Variants in MYO5B observed in about 807,000 individuals in gnomAD.
MYO5B encodes unconventional myosin-Vb.
A neutral mutation model predicts 229.3 loss-of-function variants in MYO5B; 143 were observed. The observed-to-expected ratio is 0.62, with a 90% CI of 0.54 to 0.72. The LOEUF (loss-of-function observed/expected upper bound fraction) is 0.72. Among genes scored for constraint, MYO5B ranks in the 30% least tolerant of loss-of-function variants. MYO5B has a pLI of 0.00. For missense variants in MYO5B, 2,321 were observed against 2,331.0 expected (o/e 1.00, Z 0.09); for synonymous variants, 918 against 885.2 (o/e 1.04, Z -0.66).
At chr18:49,918,620 C>T (rs1162419130) in intron 17 of MYO5B, among the ~76,000 whole-genome samples, 1 of 152,160 alleles carries the variant, frequency 6.6e-6, no homozygotes, top group Non-Finnish European at 1.5e-5. Flanking sequence ...CTTACAGGAA[C>T]CTATGAGCCT....
chr18:49,974,819 A>ACACACACACACACACACACACACACACG (rs1340944787), intron 9 of MYO5B, among the ~76,000 whole-genome samples: 46 of 151,678 alleles, frequency 3.0e-4, no homozygotes, highest in Non-Finnish European at 5.2e-4. Context: ...ACACACACAC[A>ACACACACACACACACACACACACACACG]CACACACACT....
intron 2 of MYO5B, among the ~76,000 whole-genome samples, chr18:50,042,085 GACAA>G (rs1165257955): frequency 6.6e-6 from 1 of 152,218 alleles, no homozygotes; most frequent in Non-Finnish European, 1.5e-5. Context: ...GAAGAGGGCA[GACAA>G]ACAGTTACAC....
At chr18:49,908,010 G>A (rs1055748549) in intron 18 of MYO5B, among the ~76,000 whole-genome samples, 4 of 152,214 alleles carry the variant, frequency 2.6e-5, no homozygotes, top group Non-Finnish European at 4.4e-5. Flanking sequence ...CAGCCAGGAG[G>A]GGTTAGGAAG....
chr18:49,946,999 AC>A (rs1292125009), intron 14 of MYO5B, among the ~76,000 whole-genome samples: 1 of 151,570 alleles, frequency 6.6e-6, no homozygotes, highest in African/African-American at 2.4e-5. Flanking sequence ...TTCCATCCAC[AC>A]CCATCCCTTA....
chr18:50,189,534 A>G (rs1208953557), intron 1 of MYO5B, among the ~76,000 whole-genome samples: 1 of 152,214 alleles, frequency 6.6e-6, no homozygotes, highest in African/African-American at 2.4e-5. Flanking sequence ...AAACAGCTTC[A>G]GGAGCTTTGA....
intron 27 of MYO5B, among the ~76,000 whole-genome samples, chr18:49,871,126 A>G (rs1181033661): frequency 6.6e-6 from 1 of 152,250 alleles, no homozygotes; most frequent in East Asian, 1.9e-4. Flanking sequence ...GACACATACT[A>G]CAATAGAGAT....
intron 14 of MYO5B, among the ~76,000 whole-genome samples, chr18:49,950,475 T>C (rs1009430737): frequency 4.6e-5 from 7 of 152,194 alleles, no homozygotes; most frequent in African/African-American, 1.7e-4. Context: ...TATGCAAAGA[T>C]ATACATAAAG....
At chr18:50,020,537 C>T (rs1471332954) in intron 4 of MYO5B, among the ~76,000 whole-genome samples, 1 of 152,200 alleles carries the variant, frequency 6.6e-6, no homozygotes. Flanking sequence ...CAGCTTCAAC[C>T]TCCCTGCCTA....
chr18:49,935,709 C>T (rs2025241896), intron 16 of MYO5B, among the ~76,000 whole-genome samples: 1 of 152,166 alleles, frequency 6.6e-6, no homozygotes, highest in Non-Finnish European at 1.5e-5. Flanking sequence ...TGAGCATGGA[C>T]AGAACCGGAA....
chr18:49,841,483 C>G, intron 34 of MYO5B, 29 bp from the exon 35 acceptor site: 2 of 1,589,098 alleles, frequency 1.3e-6, no homozygotes, highest in Non-Finnish European at 1.7e-6. Flanking sequence ...ATCCTCAGCT[C>G]TAAGTGGCTC....
At position 50,116,106 on chromosome 18, in the gene MYO5B, A is replaced by C. The variant is rs1251787904; in HGVS notation, c.28-60728T>G. ...AAATGGATCACTAAACAAAATTAGG[A>C]AAAACTGAAAGTCTAAGACAGACTC... On this transcript the variant is annotated intron_variant, in intron 1 of 39. Coordinates refer to ENST00000285039, the MANE Select transcript of MYO5B (RefSeq NM_001080467.3). Among the ~76,000 whole-genome samples the C allele has an allele frequency of 2.0e-5, 3 of 152,206 alleles. No individual in the cohort carries two copies. The East Asian group carries it at 5.8e-4, about 29-fold the overall frequency.
rs530544050 is a variant in MYO5B, at chr18:50,040,121, C to T, written c.310+22G>A. On this transcript the variant is annotated intron_variant, in intron 3 of 39. Transcript: ENST00000285039. ...GGTAAGCACTTTCCAACGCATGCAG[C>T]CAACAGATGCCCCCCACTTACCACA... 1.0e-4 allele frequency: 161 copies of T among 1,613,884 alleles called. 1 individual carries two copies. In the South Asian group the frequency reaches 1.5e-3, roughly 16 times the overall value.
intron 1 of MYO5B, among the ~76,000 whole-genome samples, chr18:50,183,703 T>C (rs550717527): frequency 2.7e-5 from 4 of 146,040 alleles, no homozygotes; most frequent in Admixed American, 2.7e-4. Context: ...TCATTTGTCC[T>C]CAAAGCTCAT....
chr18:50,116,637 G>A (rs1406832501), intron 1 of MYO5B, among the ~76,000 whole-genome samples: 2 of 151,894 alleles, frequency 1.3e-5, no homozygotes, highest in African/African-American at 4.8e-5. Flanking sequence ...ACCTCAGGTG[G>A]CTTAACCCTT....
intron 1 of MYO5B, among the ~76,000 whole-genome samples, chr18:50,119,997 A>T (rs1025200096): frequency 4.6e-5 from 5 of 108,002 alleles, no homozygotes; most frequent in African/African-American, 1.5e-4. Flanking sequence ...GAACATATTT[A>T]AAAAAAGGTC....
intron 9 of MYO5B, among the ~76,000 whole-genome samples, chr18:49,976,021 C>T (rs2025746726): frequency 6.6e-6 from 1 of 152,356 alleles, no homozygotes; most frequent in South Asian, 2.1e-4. Context: ...TCTGAGAAAA[C>T]CTGCTCATCG....
chr18:49,956,650 A>G (rs1035066392), intron 12 of MYO5B, among the ~76,000 whole-genome samples: 2 of 141,792 alleles, frequency 1.4e-5, no homozygotes, highest in African/African-American at 5.5e-5. Flanking sequence ...GCTGAACTGA[A>G]TCCTTTAAAA....
At chr18:50,186,784 T>A (rs1275207303) in intron 1 of MYO5B, among the ~76,000 whole-genome samples, 1 of 152,118 alleles carries the variant, frequency 6.6e-6, no homozygotes, top group Non-Finnish European at 1.5e-5. Flanking sequence ...ATTCTTCAGA[T>A]AAAGAAATCA....
intron 7 of MYO5B, among the ~76,000 whole-genome samples, chr18:49,986,916 C>T (rs1434628126): frequency 2.0e-5 from 3 of 152,118 alleles, no homozygotes; most frequent in Non-Finnish European, 2.9e-5. Context: ...TGTAGAAAAA[C>T]GACAATTTAT....
Sources: gnomAD v4.1 joint callset for allele counts (sites outside exome capture counted in the v4.1 genomes callset) on GRCh38, gnomAD v4.1.1 for gene constraint, MANE v1.5 for transcripts, NCBI Gene and HGNC (gene_info 2026-07-23, HGNC 2026-07-21) for gene names.